TCEA1: variants seen among roughly 807,000 people sequenced by gnomAD.
TCEA1 encodes the protein transcription elongation factor A protein 1.
A neutral mutation model predicts 43.8 loss-of-function variants in TCEA1; 21 were observed. The ratio of observed to expected loss-of-function variants is 0.48; its 90% CI spans 0.34 to 0.69. The LOEUF (loss-of-function observed/expected upper bound fraction) is 0.69. Ranked by LOEUF, TCEA1 falls within the 30% of genes least tolerant of loss-of-function variation. TCEA1 has a pLI of 0.01. For synonymous variants in TCEA1, 104 were observed against 117.5 expected, an observed-to-expected ratio of 0.88 and a Z score of 0.75; for missense variants, 250 against 365.1, an observed-to-expected ratio of 0.68 and a Z score of 2.57.
At position 53,988,108 on chromosome 8, in the gene TCEA1, A is replaced by C; in HGVS notation, c.466+6T>G. ...AGGACTGAGAAATAACATGCACTGG[A>C]CTTACCCCCTGTTCGAAGAGCTGCA... On this transcript the variant is annotated splice_donor_region_variant and intron_variant, in intron 5 of 9. Coordinates refer to ENST00000521604, the MANE Select transcript of TCEA1 (RefSeq NM_006756.4). 9.9e-6 allele frequency: 16 copies of C among 1,610,158 alleles called. No individual in the cohort carries two copies. The highest frequency in any genetic ancestry group is 1.3e-5 in the Non-Finnish European group (15 of 1,179,086).
At chr8:53,984,324 G>C (rs368409005) in intron 7 of TCEA1, 39 bp downstream of exon 7, 315 of 1,548,018 alleles carry the variant, frequency 2.0e-4, no homozygotes, top group Non-Finnish European at 2.7e-4. Flanking sequence ...TCACAACACA[G>C]AATCACATTA....
intron 6 of TCEA1, among the ~76,000 whole-genome samples, chr8:53,984,830 T>A (rs1414223714): frequency 6.6e-6 from 1 of 151,460 alleles, no homozygotes; most frequent in African/African-American, 2.4e-5. Context: ...TGCAGCGAGC[T>A]GAGATCAGGT....
intron 8 of TCEA1, chr8:53,972,689 A>G (rs1026905682): frequency 3.8e-5 from 24 of 639,304 alleles, no homozygotes; most frequent in Middle Eastern, 4.4e-4. Context: ...GTGTTCCTGA[A>G]GATGCCCCAA....
intron 7 of TCEA1, among the ~76,000 whole-genome samples, chr8:53,982,493 A>G (rs968965029): frequency 1.3e-5 from 2 of 151,938 alleles, no homozygotes; most frequent in African/African-American, 4.8e-5. Flanking sequence ...CTGTAATCCC[A>G]GCTACTCAGG....
At chr8:54,009,267 G>A (rs994391967) in intron 2 of TCEA1, among the ~76,000 whole-genome samples, 3 of 152,064 alleles carry the variant, frequency 2.0e-5, no homozygotes, top group African/African-American at 7.2e-5. Context: ...AAACAGTATG[G>A]AGATTTCTCA....
intron 3 of TCEA1, among the ~76,000 whole-genome samples, chr8:53,997,436 T>A (rs1356574579): frequency 1.3e-5 from 2 of 152,128 alleles, no homozygotes; most frequent in Non-Finnish European, 2.9e-5. Flanking sequence ...AACAATACAC[T>A]ATACAGTGTG....
rs75957858 is a variant in TCEA1, at chr8:54,018,637, T to C, written c.63+3426A>G. Reference sequence around the variant, plus strand: ...CGAATCAAAGTGACAAGAAAACAGCTTAAGCAGAAAACAGCTAATACCTAA... The same window carrying C: ...CGAATCAAAGTGACAAGAAAACAGCCTAAGCAGAAAACAGCTAATACCTAA... On this transcript the variant is annotated intron_variant, in intron 1 of 9. Coordinates refer to ENST00000521604, the MANE Select transcript of TCEA1 (RefSeq NM_006756.4). Among the ~76,000 whole-genome samples the C allele has an allele frequency of 2.0e-5, 3 of 152,302 alleles. No individual in the cohort carries two copies. The East Asian group carries it at 5.8e-4, about 29-fold the overall frequency.
intron 2 of TCEA1, among the ~76,000 whole-genome samples, chr8:54,004,807 T>C (rs1192650759): frequency 6.6e-6 from 1 of 151,918 alleles, no homozygotes; most frequent in Admixed American, 6.6e-5. Context: ...AACATACAGC[T>C]ACGTTTACTA....
At chr8:53,970,010 A>G (rs564465974) in intron 9 of TCEA1, among the ~76,000 whole-genome samples, 1 of 152,332 alleles carries the variant, frequency 6.6e-6, no homozygotes, top group African/African-American at 2.4e-5. Flanking sequence ...TCTGATTTCA[A>G]CAAGGGAAAA....
intron 4 of TCEA1, among the ~76,000 whole-genome samples, chr8:53,991,636 G>C (rs901018715): frequency 6.6e-6 from 1 of 151,802 alleles, no homozygotes; most frequent in African/African-American, 2.4e-5. Flanking sequence ...AGAGGTTGCG[G>C]TGAGCTGAGA....
intron 4 of TCEA1, among the ~76,000 whole-genome samples, chr8:53,990,634 C>T (rs578167420): frequency 6.6e-6 from 1 of 152,244 alleles, no homozygotes; most frequent in Admixed American, 6.5e-5. Flanking sequence ...AAAGTGCTGA[C>T]ATTACAGGTG....
intron 3 of TCEA1, 104 bp from the exon 4 acceptor site, chr8:53,993,859 T>C (rs574211818): frequency 2.3e-6 from 2 of 874,316 alleles, no homozygotes; most frequent in African/African-American, 1.7e-5. Context: ...AATCCTAAGT[T>C]TCCTACAAGT....
chr8:53,984,616 G>A (rs1803630717), intron 6 of TCEA1, 99 bp from the exon 7 acceptor site: 5 of 1,019,344 alleles, frequency 4.9e-6, no homozygotes, highest in Non-Finnish European at 6.8e-6. Flanking sequence ...AGGCACGGTG[G>A]CTCATGCCTG....
intron 3 of TCEA1, chr8:53,999,704 T>A (rs949304288): frequency 4.9e-6 from 2 of 405,276 alleles, no homozygotes; most frequent in South Asian, 7.0e-5. Flanking sequence ...AAATTCTTCT[T>A]ACTGAAAGAG....
chr8:54,006,962 C>G (rs912533817), intron 2 of TCEA1, among the ~76,000 whole-genome samples: 2 of 152,050 alleles, frequency 1.3e-5, no homozygotes, highest in African/African-American at 4.8e-5. Flanking sequence ...CTCAGCCTCC[C>G]GAGTAGCTGG....
intron 8 of TCEA1, among the ~76,000 whole-genome samples, chr8:53,974,832 C>T (rs988211669): frequency 2.0e-5 from 3 of 152,078 alleles, no homozygotes; most frequent in Non-Finnish European, 4.4e-5. Flanking sequence ...ACCCAGCCTA[C>T]TCCAGCTTTT....
At chr8:54,005,308 T>C (rs761171106) in intron 2 of TCEA1, among the ~76,000 whole-genome samples, 1 of 152,208 alleles carries the variant, frequency 6.6e-6, no homozygotes, top group Non-Finnish European at 1.5e-5. Flanking sequence ...AAGTGCTCAA[T>C]AGCCTCATGT....
intron 1 of TCEA1, among the ~76,000 whole-genome samples, chr8:54,010,756 C>A (rs1804626847): frequency 6.6e-6 from 1 of 151,866 alleles, no homozygotes; most frequent in African/African-American, 2.4e-5. Flanking sequence ...TAAATCATTT[C>A]TTTGTATACC....
intron 2 of TCEA1, among the ~76,000 whole-genome samples, chr8:54,005,215 T>C (rs975108055): frequency 1.3e-5 from 2 of 152,246 alleles, no homozygotes; most frequent in African/African-American, 4.8e-5. Flanking sequence ...TTCTCTTATA[T>C]TCTAGAGCTG....
Sources: allele counts gnomAD v4.1 joint callset (sites outside exome capture counted in the v4.1 genomes callset), GRCh38; gene constraint gnomAD v4.1.1; transcripts MANE v1.5; gene names NCBI Gene and HGNC (gene_info 2026-07-23, HGNC 2026-07-21).